Variants in CDKL3 observed in about 807,000 individuals in gnomAD.
CDKL3 encodes cyclin-dependent kinase-like 3.
In CDKL3, 65 loss-of-function variants were observed where a neutral mutation model predicts 69.3. The observed-to-expected ratio is 0.94, with a 90% confidence interval of 0.77 to 1.15. The LOEUF (loss-of-function observed/expected upper bound fraction) is 1.15. CDKL3 is among the 50% of genes most tolerant of loss of function. The pLI is 0.00. For synonymous variants in CDKL3, 202 were observed against 221.6 expected (o/e 0.91, Z 0.79); for missense variants, 652 against 689.2 (o/e 0.95, Z 0.61).
rs1752972579 is a variant in CDKL3, at chr5:134,350,435, A to G, written c.361-8T>C. On this transcript the variant is annotated splice_region_variant and splice_polypyrimidine_tract_variant and intron_variant, in intron 3 of 12. Coordinates refer to ENST00000265334, the MANE Select transcript of CDKL3 (RefSeq NM_001113575.2). ...TATATCTCGATGAATGATCTAAAAA[A>G]CAAACAGAATACAAAATACATTAAA... 2 of 1,506,012 alleles carry G rather than the reference A, an allele frequency of 1.3e-6. No homozygotes were observed. The highest frequency in any genetic ancestry group is 1.8e-6 in the Non-Finnish European group (2 of 1,108,052). 93.3% of individuals were successfully genotyped at this position (1,506,012 alleles called of 1,614,324 possible). A position where few individuals can be genotyped will look rare whatever the true frequency, so the allele number is the denominator to read the frequency against.
chr5:134,313,060 T>C (rs1770004636), intron 6 of CDKL3, among the ~76,000 whole-genome samples: 1 of 152,252 alleles, frequency 6.6e-6, no homozygotes, highest in African/African-American at 2.4e-5. Flanking sequence ...ATAATTTTCA[T>C]TCCTCCTGTG....
At chr5:134,283,502 T>A (rs1364572103), downstream of CDKL3, among the ~76,000 whole-genome samples, 1 of 151,972 alleles carries the variant, frequency 6.6e-6, no homozygotes, top group Non-Finnish European at 1.5e-5. Context: ...GTAATAACCA[T>A]CAGATCTCAT....
At chr5:134,312,806 A>G (rs1254130573) in intron 6 of CDKL3, among the ~76,000 whole-genome samples, 1 of 152,208 alleles carries the variant, frequency 6.6e-6, no homozygotes, top group East Asian at 1.9e-4. Flanking sequence ...CACTCTTTCT[A>G]TATCATAATA....
In CDKL3 at chr5:134,312,318, A is replaced by G; in HGVS notation, c.855T>C (p.Tyr285=). 1 of 1,595,410 alleles carries G rather than the reference A, an allele frequency of 6.3e-7. No homozygotes were observed. Among genetic ancestry groups the G allele is most frequent in the Non-Finnish European group, 8.5e-7 (1 of 1,169,970 alleles). Residue 285 remains tyrosine, a synonymous_variant, in exon 7 of 13, where the codon TAT becomes TAC. Coordinates refer to ENST00000265334, the MANE Select transcript of CDKL3 (RefSeq NM_001113575.2). ...ISSSDLLHHE[Y]FTRDGFIEKF... ...TTTCAATAAATCCATCTCTAGTAAA[A>G]TACTCATGATGCAAAAGATCACTAG... is the stretch of plus-strand genomic sequence containing the variant.
At position 134,308,310 on chromosome 5, in the gene CDKL3, T is replaced by C; in HGVS notation, c.1192A>G (p.Thr398Ala). The C allele has an allele frequency of 1.2e-6, 2 of 1,613,986 alleles. No individual in the cohort carries two copies. Among genetic ancestry groups the C allele is most frequent in the Non-Finnish European group, 1.7e-6 (2 of 1,179,864 alleles). ...NENVHPMSPD[T>A]KLVTIEPPNP... ...GGTGGTTCAATGGTTACAAGTTTTG[T>C]ATCTGGAGACATAGGATGAACATTT... Residue 398 changes from threonine (T) to alanine (A), a missense_variant, in exon 9 of 13, where the codon ACA (threonine) becomes GCA (alanine). Thr to Ala is a moderately conservative substitution (Grantham distance 58). Transcript: ENST00000265334.
At chr5:134,333,887 A>C (rs1776404453) in intron 4 of CDKL3, among the ~76,000 whole-genome samples, 1 of 152,166 alleles carries the variant, frequency 6.6e-6, no homozygotes. Flanking sequence ...AAGGAATGGT[A>C]CCAGCTCCTG....
chr5:134,328,111 T>C (rs1242464245), intron 4 of CDKL3, among the ~76,000 whole-genome samples: 2 of 152,124 alleles, frequency 1.3e-5, no homozygotes, highest in Non-Finnish European at 2.9e-5. Context: ...TTACACAGCA[T>C]GCAAAGAAAT....
At chr5:134,344,755 C>A (rs1751397212) in intron 4 of CDKL3, among the ~76,000 whole-genome samples, 1 of 152,118 alleles carries the variant, frequency 6.6e-6, no homozygotes, top group African/African-American at 2.4e-5. Context: ...GAGACCCTGT[C>A]TCTACAAAAT....
intron 4 of CDKL3, among the ~76,000 whole-genome samples, chr5:134,327,928 G>A (rs942994971): frequency 7.2e-5 from 11 of 152,094 alleles, no homozygotes; most frequent in Admixed American, 5.9e-4. Flanking sequence ...AACTAAAGAG[G>A]TTTAATACTG....
In CDKL3 at chr5:134,319,359, T is replaced by G. The variant is rs1772121910; in HGVS notation, c.791A>C (p.His264Pro). ...KLNGLLADIV[H>P]ACLQIDPADR... ...GGAGGAAAAAAAAAAAAAACATACATGAACTATATCTGCCAACAATCCATT... is the reference window on the plus strand; with the variant it reads ...GGAGGAAAAAAAAAAAAAACATACAGGAACTATATCTGCCAACAATCCATT... The change falls in exon 6 of 13, where the codon CAT (histidine) becomes CCT (proline). Residue 264 changes from histidine to proline, a missense_variant and splice_region_variant. Transcript: ENST00000265334. 6.6e-7 allele frequency: 1 copy of G among 1,505,430 alleles called. No individual in the cohort carries two copies. Among genetic ancestry groups the G allele is most frequent in the Non-Finnish European group, 8.8e-7 (1 of 1,132,176 alleles). 93.3% of individuals were successfully genotyped at this position (1,505,430 alleles called of 1,614,324 possible). A position where few individuals can be genotyped will look rare whatever the true frequency, so the allele number is the denominator to read the frequency against.
chr5:134,308,027 A>G (rs1422167207), intron 9 of CDKL3, 111 bp downstream of exon 9: 21 of 1,430,930 alleles, frequency 1.5e-5, no homozygotes, highest in Non-Finnish European at 1.9e-5. Flanking sequence ...TTTAATTTCA[A>G]TATATTTTCT....
chr5:134,324,866 C>A (rs1163404251), intron 4 of CDKL3, among the ~76,000 whole-genome samples: 1 of 152,118 alleles, frequency 6.6e-6, no homozygotes, highest in Non-Finnish European at 1.5e-5. Flanking sequence ...AATATTGGTA[C>A]ATCAATTGTA....
rs144963670 is a variant in CDKL3 at position 134,360,161 on chromosome 5, A to C, written c.166-70T>G. ...TAACAATTTGTACATATAACGTGTA[A>C]ATTTTGTAAAGAAACAGTCATATTC... On this transcript the variant is annotated intron_variant, in intron 2 of 12. Transcript: ENST00000265334. 3.1e-3 allele frequency: 3,232 copies of C among 1,046,122 alleles called. 69 individuals carry two copies. In the East Asian group the frequency reaches 0.045, roughly 14 times the overall value. The allele number at this position is 1,046,122 out of a possible 1,614,324, so 64.8% of individuals were successfully genotyped here.
chr5:134,316,339 C>T (rs776910344), intron 6 of CDKL3, among the ~76,000 whole-genome samples: 2 of 152,150 alleles, frequency 1.3e-5, no homozygotes, highest in Admixed American at 6.6e-5. Context: ...GTGGCTCACG[C>T]GTGTAATCCC....
downstream of CDKL3, among the ~76,000 whole-genome samples, chr5:134,285,433 C>A (rs547044354): frequency 3.0e-4 from 46 of 152,358 alleles, 1 homozygote; most frequent in Non-Finnish European, 7.3e-5. Context: ...TTGGGGCTTG[C>A]TCCTCTGAAG....
chr5:134,361,174 A>C (rs1755914526), intron 2 of CDKL3, among the ~76,000 whole-genome samples: 1 of 152,184 alleles, frequency 6.6e-6, no homozygotes, highest in African/African-American at 2.4e-5. Flanking sequence ...ACTTAATTAT[A>C]ATCAATTCTG....
intron 4 of CDKL3, among the ~76,000 whole-genome samples, chr5:134,325,659 G>C (rs888995912): frequency 3.3e-5 from 5 of 151,788 alleles, no homozygotes; most frequent in African/African-American, 1.2e-4. Context: ...TTATATAGTG[G>C]TACCACTTTG....
intron 3 of CDKL3, among the ~76,000 whole-genome samples, chr5:134,353,748 T>C (rs995267251): frequency 6.6e-6 from 1 of 151,996 alleles, no homozygotes; most frequent in Non-Finnish European, 1.5e-5. Context: ...TTAGTAGAGA[T>C]GGGGTTTCAC....
intron 10 of CDKL3, among the ~76,000 whole-genome samples, chr5:134,305,389 C>T (rs1205790934): frequency 6.6e-6 from 1 of 152,154 alleles, no homozygotes; most frequent in East Asian, 1.9e-4. Flanking sequence ...GCTAGGATTA[C>T]AGGTGAGAGC....
Sources: gnomAD v4.1 joint callset for allele counts (sites outside exome capture counted in the v4.1 genomes callset) on GRCh38, gnomAD v4.1.1 for gene constraint, MANE v1.5 for transcripts, NCBI Gene and HGNC (gene_info 2026-07-23, HGNC 2026-07-21) for gene names.